CTDP1: variants seen among roughly 807,000 people sequenced by gnomAD.
CTDP1 encodes CTD phosphatase 1, also known as RNA polymerase II subunit A C-terminal domain phosphatase.
A neutral mutation model predicts 91.8 loss-of-function variants in CTDP1; 47 were observed. That is an observed-to-expected ratio of 0.51 (90% CI 0.41 to 0.65). The LOEUF (loss-of-function observed/expected upper bound fraction) is 0.65. Among genes scored for constraint, CTDP1 ranks in the 30% least tolerant of loss-of-function variants. CTDP1 has a pLI of 0.00. For missense variants in CTDP1, 1,272 were observed against 1,373.7 expected, an observed-to-expected ratio of 0.93 and a Z score of 1.17; for synonymous variants, 656 against 598.5, an observed-to-expected ratio of 1.10 and a Z score of -1.40.
downstream of CTDP1, chr18:79,756,298 T>G (rs898722104): frequency 6.6e-6 from 1 of 152,342 alleles, no homozygotes; most frequent in African/African-American, 2.4e-5. Context: ...GGCTCCAGCC[T>G]CCATCAGCAC....
chr18:79,747,638 G>C (rs1283355074), intron 12 of CTDP1, among the ~76,000 whole-genome samples: 2 of 152,198 alleles, frequency 1.3e-5, no homozygotes, highest in Non-Finnish European at 2.9e-5. Flanking sequence ...CCGCTCTCAC[G>C]CCACGTTCCA....
intron 7 of CTDP1, among the ~76,000 whole-genome samples, chr18:79,714,159 A>C (rs950835796): frequency 3.3e-5 from 5 of 152,230 alleles, no homozygotes; most frequent in African/African-American, 1.2e-4. Flanking sequence ...CTCCTCCCCC[A>C]AATCCAAAGC....
chr18:79,738,172 C>CGT (rs1202175256), intron 12 of CTDP1, among the ~76,000 whole-genome samples: 1 of 152,208 alleles, frequency 6.6e-6, no homozygotes, highest in African/African-American at 2.4e-5. Flanking sequence ...CAGCGGGCTG[C>CGT]GTAACCCCAG....
chr18:79,731,699 A>G (rs1451665431), intron 11 of CTDP1, among the ~76,000 whole-genome samples: 2 of 152,256 alleles, frequency 1.3e-5, no homozygotes, highest in African/African-American at 4.8e-5. Context: ...ACGGCTTTGA[A>G]GAAACCTGAA....
intron 2 of CTDP1, among the ~76,000 whole-genome samples, chr18:79,695,579 C>CAG (rs1243712830): frequency 6.6e-6 from 1 of 152,202 alleles, no homozygotes; most frequent in Non-Finnish European, 1.5e-5. Context: ...ACTGAAGACG[C>CAG]AGATCGCTGA....
Position 79,713,866 on chromosome 18 carries a change from C to T in CTDP1, c.1031-625C>T, listed in dbSNP as rs1368489329. Among the ~76,000 whole-genome samples the T allele has an allele frequency of 6.6e-6, 1 of 150,762 alleles. No homozygotes were observed. The highest frequency in any genetic ancestry group is 1.5e-5 in the Non-Finnish European group (1 of 67,758). Reference sequence around the variant, plus strand: ...CATCCGGGGCTTACAGTCACGGTGGCGCCAGGTCTGCAGGGGCTTACGGCC... The same window carrying T: ...CATCCGGGGCTTACAGTCACGGTGGTGCCAGGTCTGCAGGGGCTTACGGCC... On this transcript the variant is annotated intron_variant, in intron 7 of 12. Coordinates refer to ENST00000613122, the MANE Select transcript of CTDP1 (RefSeq NM_004715.5). The surrounding 1 kb of genome is among the most constrained non-coding windows in gnomAD (Gnocchi z 4.7).
chr18:79,697,728 G>A (rs532335051), intron 3 of CTDP1, 132 bp from the exon 4 acceptor site: 20 of 1,360,590 alleles, frequency 1.5e-5, no homozygotes, highest in East Asian at 7.0e-5. Flanking sequence ...CGGCCTGTAC[G>A]GCGCAGTCCA....
intron 1 of CTDP1, chr18:79,680,964 G>C (rs549667642): frequency 6.6e-6 from 1 of 152,442 alleles, no homozygotes; most frequent in Non-Finnish European, 1.5e-5. Flanking sequence ...ACACGCGTGT[G>C]CGCCTGGCTC....
Position 79,738,051 on chromosome 18 carries a change from C to G in CTDP1, c.2747+1530C>G, listed in dbSNP as rs1377621985. Among the ~76,000 whole-genome samples the G allele has an allele frequency of 3.3e-5, 5 of 151,698 alleles. No homozygotes were observed. In the East Asian group the frequency reaches 9.7e-4, roughly 30 times the overall value. The stretch of plus-strand genomic sequence containing the variant: ...CCCCGCCCGCCCTGCTCACCGCCCC[C>G]GGGAGTTGCCTTCCCCACTCTCTGG... On this transcript the variant is annotated intron_variant, in intron 12 of 12. Transcript: ENST00000613122.
At chr18:79,753,481 CCACA>C in intron 12 of CTDP1, among the ~76,000 whole-genome samples, 167 bp from the exon 13 acceptor site, 1 of 152,222 alleles carries the variant, frequency 6.6e-6, no homozygotes, top group Non-Finnish European at 1.5e-5. Context: ...GCTCTGCTGT[CCACA>C]CGTGTGTGAC....
chr18:79,697,475 C>T (rs1599217220), intron 3 of CTDP1, among the ~76,000 whole-genome samples: 1 of 152,204 alleles, frequency 6.6e-6, no homozygotes, highest in African/African-American at 2.4e-5. Context: ...AGCGCATTGC[C>T]CTTACCAGTC....
chr18:79,702,221 A>G (rs556848166), intron 4 of CTDP1, among the ~76,000 whole-genome samples: 1 of 152,322 alleles, frequency 6.6e-6, no homozygotes, highest in Non-Finnish European at 1.5e-5. Context: ...TCAAGAAATC[A>G]TCACAGCCAC....
At chr18:79,725,075 CT>C (rs1464495537) in intron 10 of CTDP1, among the ~76,000 whole-genome samples, 1 of 152,186 alleles carries the variant, frequency 6.6e-6, no homozygotes, top group Non-Finnish European at 1.5e-5. Context: ...GGTTTTTCTT[CT>C]TTTGCCTGTC....
At chr18:79,753,415 T>C (rs2087039013) in intron 12 of CTDP1, among the ~76,000 whole-genome samples, 1 of 152,236 alleles carries the variant, frequency 6.6e-6, no homozygotes, top group African/African-American at 2.4e-5. Context: ...GAACACCTGC[T>C]TTGTCAGTGG....
Position 79,680,158 on chromosome 18 carries a change from G to A in CTDP1, c.211G>A (p.Gly71Arg). The A allele has an allele frequency of 7.2e-7, 1 of 1,397,904 alleles. No individual in the cohort carries two copies. The highest frequency in any genetic ancestry group is 9.3e-7 in the Non-Finnish European group (1 of 1,080,806). 86.6% of individuals were successfully genotyped at this position (1,397,904 alleles called of 1,614,324 possible). Residue 71 changes from glycine to arginine, a missense_variant, in exon 1 of 13, where the codon GGG (glycine) becomes AGG (arginine). Physicochemically the swap from Gly to Arg is moderately radical, Grantham distance 125. Coordinates refer to ENST00000613122, the MANE Select transcript of CTDP1 (RefSeq NM_004715.5). ...SGASQSRVAS[G>R]GCVRPARPER... ...GGCCTCTCAGTCCCGTGTAGCCTCC[G>A]GGGGCTGCGTGCGCCCCGCGCGGCC...
chr18:79,679,512 G>C, upstream of CTDP1: 1 of 457,836 alleles, frequency 2.2e-6, no homozygotes, highest in Non-Finnish European at 4.4e-6. Flanking sequence ...TGAACGCTGG[G>C]ACTCGTAGTC....
Position 79,713,572 on chromosome 18 carries a change from G to C in CTDP1, c.1030+434G>C, listed in dbSNP as rs2086125618. The stretch of plus-strand genomic sequence containing the variant: ...GGCTGGGGCCCCAGAGAGCAGCGTG[G>C]TTTAACTTGTCAGTCAGGCATGCAG... On this transcript the variant is annotated intron_variant, in intron 7 of 12. Coordinates refer to ENST00000613122, the MANE Select transcript of CTDP1 (RefSeq NM_004715.5). The surrounding 1 kb of genome is among the most constrained non-coding windows in gnomAD (Gnocchi z 4.7). 6.6e-6 allele frequency among the ~76,000 whole-genome samples: 1 copy of C among 152,214 alleles called. No individual in the cohort carries two copies. Among genetic ancestry groups the C allele is most frequent in the African/African-American group, 2.4e-5 (1 of 41,456 alleles).
chr18:79,700,203 A>G (rs545235396), intron 4 of CTDP1, among the ~76,000 whole-genome samples: 1 of 152,312 alleles, frequency 6.6e-6, no homozygotes, highest in East Asian at 1.9e-4. Context: ...TGAGTGTTCA[A>G]GTGGGAGGAA....
chr18:79,750,425 T>A (rs984377362), intron 12 of CTDP1, among the ~76,000 whole-genome samples: 1 of 152,046 alleles, frequency 6.6e-6, no homozygotes, highest in African/African-American at 2.4e-5. Context: ...TTCATTCCAG[T>A]TGACATAAAA....
Sources: gnomAD v4.1 joint callset for allele counts (sites outside exome capture counted in the v4.1 genomes callset) on GRCh38, gnomAD v4.1.1 for gene constraint, Gnocchi (gnomAD v3.1) non-coding constraint, MANE v1.5 for transcripts, NCBI Gene and HGNC (gene_info 2026-07-23, HGNC 2026-07-21) for gene names.